The following MDGA2 variants were observed in gnomAD, a reference collection of about 807,000 sequenced individuals.
MDGA2 encodes the protein MAM domain-containing glycosylphosphatidylinositol anchor protein 2.
MDGA2 carries 40 observed loss-of-function variants against 117.8 expected under a neutral mutation model. The ratio of observed to expected loss-of-function variants is 0.34; its 90% CI spans 0.26 to 0.44. The LOEUF (loss-of-function observed/expected upper bound fraction) is 0.44. MDGA2 is among the 20% of genes least tolerant of loss of function. The probability of loss-of-function intolerance (pLI) is 1.00; values close to 1 mark genes in which losing one functional copy is unlikely to be tolerated. For synonymous variants in MDGA2, 452 were observed against 439.0 expected (o/e 1.03, Z -0.37); for missense variants, 1,123 against 1,250.6 (o/e 0.90, Z 1.54).
At chr14:47,201,715 C>A (rs550076696) in intron 3 of MDGA2, among the ~76,000 whole-genome samples, 17 of 152,290 alleles carry the variant, frequency 1.1e-4, no homozygotes, top group African/African-American at 4.1e-4. Context: ...ATCTGTTTTT[C>A]TATTTCCTTC....
At chr14:46,843,335 A>G (rs887290876) in intron 16 of MDGA2, among the ~76,000 whole-genome samples, 4 of 152,022 alleles carry the variant, frequency 2.6e-5, no homozygotes, top group African/African-American at 9.7e-5. Context: ...TTTATTTATA[A>G]TATTTGTGCT....
chr14:47,290,322 A>T (rs956965052), intron 2 of MDGA2, among the ~76,000 whole-genome samples: 3 of 152,092 alleles, frequency 2.0e-5, no homozygotes, highest in Non-Finnish European at 4.4e-5. Flanking sequence ...GCCATATGAG[A>T]TTAAAATAAA....
intron 3 of MDGA2, among the ~76,000 whole-genome samples, chr14:47,171,480 A>G (rs1207520487): frequency 6.6e-6 from 1 of 152,214 alleles, no homozygotes; most frequent in African/African-American, 2.4e-5. Flanking sequence ...TGAAAAATGT[A>G]ACTACTTTTC....
intron 1 of MDGA2, among the ~76,000 whole-genome samples, chr14:47,479,210 A>G (rs895098146): frequency 6.6e-6 from 1 of 152,158 alleles, no homozygotes; most frequent in East Asian, 1.9e-4. Context: ...CAATCTGAAC[A>G]TAACTGCTTA....
intron 9 of MDGA2, among the ~76,000 whole-genome samples, chr14:46,948,358 GCT>G (rs1248778555): frequency 2.6e-5 from 4 of 151,924 alleles, no homozygotes; most frequent in Admixed American, 1.3e-4. Flanking sequence ...GATGACCTAG[GCT>G]CTTGCTTGTG....
intron 1 of MDGA2, among the ~76,000 whole-genome samples, chr14:47,540,538 G>GTA (rs1462789428): frequency 1.4e-5 from 1 of 73,906 alleles, no homozygotes; most frequent in African/African-American, 4.0e-5. Flanking sequence ...GTGTGTGTGT[G>GTA]TGTATATATA....
rs540747563 is a variant in MDGA2 at position 46,899,894 on chromosome 14, G to C, written c.2239-17673C>G. 4.6e-5 allele frequency among the ~76,000 whole-genome samples: 7 copies of C among 152,086 alleles called. No individual in the cohort carries two copies. In the South Asian group the frequency reaches 1.4e-3, roughly 31 times the overall value. The stretch of plus-strand genomic sequence containing the variant: ...CTCAGAAGGCATCAGTAGAGTATCA[G>C]TATAGTTTAAAAATTACAAAAGAAG... On this transcript the variant is annotated intron_variant, in intron 10 of 16. Coordinates refer to ENST00000399232, the MANE Select transcript of MDGA2 (RefSeq NM_001113498.3).
chr14:47,125,564 CAAAA>C (rs979047048), intron 5 of MDGA2, among the ~76,000 whole-genome samples: 2 of 128,178 alleles, frequency 1.6e-5, no homozygotes, highest in Non-Finnish European at 3.4e-5. Flanking sequence ...TTTATTGAGA[CAAAA>C]AGAAAAAAAA....
intron 1 of MDGA2, among the ~76,000 whole-genome samples, chr14:47,567,691 C>T (rs1338085493): frequency 1.3e-5 from 2 of 152,218 alleles, no homozygotes; most frequent in African/African-American, 4.8e-5. Flanking sequence ...TCCAATTCCA[C>T]TTCCCTAACA....
chr14:47,060,208 A>T (rs970009871), intron 7 of MDGA2, among the ~76,000 whole-genome samples: 7 of 152,106 alleles, frequency 4.6e-5, no homozygotes, highest in African/African-American at 1.7e-4. Context: ...AGATGATAAA[A>T]ATTGAATATC....
intron 1 of MDGA2, among the ~76,000 whole-genome samples, chr14:47,532,697 T>C (rs1895124754): frequency 6.6e-6 from 1 of 152,128 alleles, no homozygotes; most frequent in Non-Finnish European, 1.5e-5. Context: ...CCACTGAATA[T>C]TTTTTTCTTT....
chr14:46,915,561 T>G (rs2138495925), intron 10 of MDGA2, among the ~76,000 whole-genome samples: 1 of 152,318 alleles, frequency 6.6e-6, no homozygotes, highest in Admixed American at 6.5e-5. Flanking sequence ...GTGTTGTAAT[T>G]ATCATTTCTT....
At chr14:46,997,323 A>G (rs1428359578) in intron 8 of MDGA2, 1 of 152,798 alleles carries the variant, frequency 6.5e-6, no homozygotes, top group African/African-American at 2.4e-5. Flanking sequence ...CATCCTTATG[A>G]AATTGCCTAG....
intron 2 of MDGA2, among the ~76,000 whole-genome samples, chr14:47,260,371 G>A (rs1887755783): frequency 6.6e-6 from 1 of 152,032 alleles, no homozygotes; most frequent in Non-Finnish European, 1.5e-5. Flanking sequence ...GGTGACATAA[G>A]AGAAGTGAAA....
chr14:46,878,788 TA>T (rs150906530), intron 11 of MDGA2, among the ~76,000 whole-genome samples: 9,617 of 152,108 alleles, frequency 0.063, 360 homozygotes, highest in Middle Eastern at 0.26. Context: ...ATGAAATTCT[TA>T]AAAAATTATG....
intron 1 of MDGA2, among the ~76,000 whole-genome samples, chr14:47,473,453 T>G (rs1893771231): frequency 6.6e-6 from 1 of 152,198 alleles, no homozygotes; most frequent in African/African-American, 2.4e-5. Flanking sequence ...GAGCAAGGCT[T>G]TTCGTGTTTT....
intron 3 of MDGA2, among the ~76,000 whole-genome samples, chr14:47,201,337 G>A (rs777015140): frequency 1.3e-5 from 2 of 151,956 alleles, no homozygotes; most frequent in Non-Finnish European, 2.9e-5. Context: ...TTTCACTTCG[G>A]CAACACTCTC....
At chr14:47,613,503 A>ACACG (rs1213406180) in intron 1 of MDGA2, among the ~76,000 whole-genome samples, 4 of 151,316 alleles carry the variant, frequency 2.6e-5, no homozygotes, top group Non-Finnish European at 4.4e-5. Flanking sequence ...ACACACACAC[A>ACACG]CACGCACACG....
At chr14:47,363,418 C>T (rs550681622) in intron 1 of MDGA2, among the ~76,000 whole-genome samples, 7 of 151,960 alleles carry the variant, frequency 4.6e-5, no homozygotes, top group East Asian at 3.9e-4. Flanking sequence ...CCAACATACC[C>T]GGCTACTTTT....
Sources: gnomAD v4.1 joint callset for allele counts (sites outside exome capture counted in the v4.1 genomes callset) on GRCh38, gnomAD v4.1.1 for gene constraint, MANE v1.5 for transcripts, NCBI Gene and HGNC (gene_info 2026-07-23, HGNC 2026-07-21) for gene names.